The following TET1 variants were observed in gnomAD, a reference collection of about 807,000 sequenced individuals.
The protein encoded by TET1 is tet methylcytosine dioxygenase 1.
In TET1, 13 loss-of-function variants were observed where a neutral mutation model predicts 148.7. The ratio of observed to expected loss-of-function variants is 0.09; its 90% CI spans 0.06 to 0.14. The LOEUF (loss-of-function observed/expected upper bound fraction) is 0.14. Among genes scored for constraint, TET1 ranks in the 10% least tolerant of loss-of-function variants. The probability of loss-of-function intolerance (pLI) is 1.00; values close to 1 mark genes in which losing one functional copy is unlikely to be tolerated. For synonymous variants in TET1, 907 were observed against 937.2 expected, an observed-to-expected ratio of 0.97 and a Z score of 0.59; for missense variants, 2,182 against 2,553.8, an observed-to-expected ratio of 0.85 and a Z score of 3.14.
At position 68,692,469 on chromosome 10, in the gene TET1, A is replaced by G; in HGVS notation, c.*655A>G. The stretch of plus-strand genomic sequence containing the variant: ...ATTTTTAAAAGTAACTTGAAATAAT[A>G]TAGTATAAGAATCCTATTGTCTATT... On this transcript the variant is annotated 3_prime_UTR_variant, in exon 12 of 12. Coordinates refer to ENST00000373644, the MANE Select transcript of TET1 (RefSeq NM_030625.3). The G allele has an allele frequency of 4.3e-6, 1 of 232,244 alleles. No homozygotes were observed. 14.4% of individuals were successfully genotyped at this position (232,244 alleles called of 1,614,324 possible). A position where few individuals can be genotyped will look rare whatever the true frequency, so the allele number is the denominator to read the frequency against.
At chr10:68,626,618 T>G (rs970751114) in intron 3 of TET1, among the ~76,000 whole-genome samples, 10 of 152,028 alleles carry the variant, frequency 6.6e-5, no homozygotes, top group African/African-American at 1.9e-4. Context: ...TGGCATGATC[T>G]CAGCTCACTG....
intron 3 of TET1, among the ~76,000 whole-genome samples, chr10:68,612,296 G>C (rs1243959286): frequency 6.6e-6 from 1 of 151,874 alleles, no homozygotes; most frequent in Non-Finnish European, 1.5e-5. Context: ...CACCATGTTG[G>C]CCAGGCTGGT....
rs773605594 is a variant in TET1, at chr10:68,595,983, TACACAC to T, written c.1915-4958_1915-4953del. Among the ~76,000 whole-genome samples the T allele has an allele frequency of 2.7e-3, 138 of 50,406 alleles. 4 individuals carry two copies. The highest frequency in any genetic ancestry group is 0.015 in the Middle Eastern group (1 of 68). The allele number at this position is 50,406 out of a possible 152,430, so 33.1% of individuals were successfully genotyped here. A position where few individuals can be genotyped will look rare whatever the true frequency, so the allele number is the denominator to read the frequency against. On this transcript the variant is annotated intron_variant, in intron 2 of 11. Transcript: ENST00000373644. ...ATATACACACACACACACACATATA[TACACAC>T]ACACACACACACACACACACACACA...
chr10:68,612,082 G>C (rs537710185), intron 3 of TET1, among the ~76,000 whole-genome samples: 5 of 149,860 alleles, frequency 3.3e-5, no homozygotes, highest in African/African-American at 1.2e-4. Context: ...GGCATATCTT[G>C]TTGTTGTTTT....
chr10:68,683,033 T>A, intron 10 of TET1, 60 bp downstream of exon 10: 1 of 1,561,768 alleles, frequency 6.4e-7, no homozygotes, highest in South Asian at 1.2e-5. Context: ...TAGGCTGCAG[T>A]CCTTACGTAT....
chr10:68,622,847 A>T (rs1206035596), intron 3 of TET1, among the ~76,000 whole-genome samples: 1 of 152,058 alleles, frequency 6.6e-6, no homozygotes, highest in Non-Finnish European at 1.5e-5. Flanking sequence ...CCAGGGTGCT[A>T]GGATTACAGG....
intron 1 of TET1, among the ~76,000 whole-genome samples, chr10:68,567,336 TC>T (rs2053617952): frequency 6.6e-6 from 1 of 151,866 alleles, no homozygotes; most frequent in Admixed American, 6.6e-5. Flanking sequence ...AAACAGTGGG[TC>T]CTAGGATTAC....
At chr10:68,584,820 CAT>C (rs1299237118) in intron 2 of TET1, among the ~76,000 whole-genome samples, 1 of 147,882 alleles carries the variant, frequency 6.8e-6, no homozygotes, top group African/African-American at 2.5e-5. Flanking sequence ...TTATTCTACA[CAT>C]ATCTCTTTTT....
At chr10:68,613,703 G>A (rs1426068394) in intron 3 of TET1, among the ~76,000 whole-genome samples, 5 of 152,086 alleles carry the variant, frequency 3.3e-5, no homozygotes, top group Admixed American at 6.6e-5. Context: ...TTGGGAGGCC[G>A]AGGCAGGTGG....
chr10:68,680,914 G>A (rs2055427235), intron 8 of TET1, among the ~76,000 whole-genome samples: 1 of 152,204 alleles, frequency 6.6e-6, no homozygotes, highest in Non-Finnish European at 1.5e-5. Flanking sequence ...ATAAGGACAT[G>A]TGTTTAATTC....
intron 3 of TET1, among the ~76,000 whole-genome samples, chr10:68,618,459 A>G (rs1470789023): frequency 1.3e-5 from 2 of 152,220 alleles, no homozygotes; most frequent in African/African-American, 4.8e-5. Flanking sequence ...TTATCTTACC[A>G]GGACCTTAAT....
chr10:68,672,513 AC>A (rs147090010), intron 7 of TET1, among the ~76,000 whole-genome samples: 3 of 107,938 alleles, frequency 2.8e-5, no homozygotes, highest in Non-Finnish European at 3.9e-5. Flanking sequence ...AAAAAAAAAC[AC>A]CAAAAAAAAA....
chr10:68,691,913 C>T lies in TET1; in HGVS notation c.*99C>T. 1 of 1,370,912 alleles carries T rather than the reference C, an allele frequency of 7.3e-7. No individual in the cohort carries two copies. The highest frequency in any genetic ancestry group is 2.3e-5 in the East Asian group (1 of 43,364). The allele number at this position is 1,370,912 out of a possible 1,614,324, so 84.9% of individuals were successfully genotyped here. A position where few individuals can be genotyped will look rare whatever the true frequency, so the allele number is the denominator to read the frequency against. Reference sequence around the variant, plus strand: ...GTTGTCGTTTACTATCTTCATCTCACCCATTTCAAGTCTGAGGTAAAAAAA... The same window carrying T: ...GTTGTCGTTTACTATCTTCATCTCATCCATTTCAAGTCTGAGGTAAAAAAA... On this transcript the variant is annotated 3_prime_UTR_variant, in exon 12 of 12. Transcript: ENST00000373644. The surrounding 1 kb of genome is among the most constrained non-coding windows in gnomAD (Gnocchi z 4.4).
intron 3 of TET1, among the ~76,000 whole-genome samples, chr10:68,614,194 A>C (rs1362324475): frequency 6.6e-6 from 1 of 152,216 alleles, no homozygotes; most frequent in Non-Finnish European, 1.5e-5. Context: ...AAAACAACTT[A>C]GGACCATGCT....
At position 68,605,029 on chromosome 10, in the gene TET1, C is replaced by A. The variant is rs577673013; in HGVS notation, c.1968+3995C>A. The stretch of plus-strand genomic sequence containing the variant: ...GTAGTATTTGGAAGAGCTGGGTGAA[C>A]AAATATAAAGAAATGTCAGTGGATA... On this transcript the variant is annotated intron_variant, in intron 3 of 11. Transcript: ENST00000373644. Among the ~76,000 whole-genome samples the A allele has an allele frequency of 3.3e-5, 5 of 152,214 alleles. No individual in the cohort carries two copies. The East Asian group carries it at 9.6e-4, about 29-fold the overall frequency.
intron 10 of TET1, among the ~76,000 whole-genome samples, chr10:68,684,010 G>A (rs531145275): frequency 8.3e-4 from 127 of 152,218 alleles, no homozygotes; most frequent in African/African-American, 2.9e-3. Context: ...ATCTAGTAAA[G>A]CAAGATCAAT....
chr10:68,594,758 C>A (rs768083637), intron 2 of TET1, among the ~76,000 whole-genome samples: 3 of 152,002 alleles, frequency 2.0e-5, no homozygotes, highest in Non-Finnish European at 2.9e-5. Context: ...GTAGGCTGAC[C>A]ACTTGAGGTC....
chr10:68,561,931 C>T (rs1433288343), intron 1 of TET1, among the ~76,000 whole-genome samples: 6 of 152,158 alleles, frequency 3.9e-5, no homozygotes, highest in Non-Finnish European at 8.8e-5. Context: ...ACTCGTCCCT[C>T]TCCCAAATTA....
Position 68,573,100 on chromosome 10 carries a change from A to G in TET1, c.762A>G (p.Gln254=), listed in dbSNP as rs2053689160. Residue 254 remains glutamine, a synonymous_variant, in exon 2 of 12, where the codon CAA becomes CAG. Transcript: ENST00000373644. ...ACACAGTGTGTGCTCCTTTTCCCCA[A>G]AGAGCAACCCCCAAAGTTACCTCTC... ...AQDTVCAPFP[Q]RATPKVTSQG... The G allele has an allele frequency of 1.9e-6, 3 of 1,613,980 alleles. No homozygotes were observed. The Admixed American group carries it at 5.0e-5, about 27-fold the overall frequency.
Sources: gnomAD v4.1 joint callset for allele counts (sites outside exome capture counted in the v4.1 genomes callset) on GRCh38, gnomAD v4.1.1 for gene constraint, Gnocchi (gnomAD v3.1) non-coding constraint, MANE v1.5 for transcripts, NCBI Gene and HGNC (gene_info 2026-07-23, HGNC 2026-07-21) for gene names.